Variants in INPP5B observed in about 807,000 individuals in gnomAD.
The protein encoded by INPP5B is type II inositol 1,4,5-trisphosphate 5-phosphatase.
INPP5B carries 90 observed loss-of-function variants against 118.5 expected under a neutral mutation model. That is an observed-to-expected ratio of 0.76 (90% CI 0.64 to 0.90). The LOEUF (loss-of-function observed/expected upper bound fraction) is 0.90, where lower values mean the gene tolerates loss of function less well. Ranked by LOEUF, INPP5B falls within the 40% of genes least tolerant of loss-of-function variation. INPP5B has a pLI of 0.00. For missense variants in INPP5B, 984 were observed against 1,125.6 expected, an observed-to-expected ratio of 0.87 and a Z score of 1.80; for synonymous variants, 385 against 418.9, an observed-to-expected ratio of 0.92 and a Z score of 0.99.
chr1:37,925,848 G>A (rs1645207859), intron 7 of INPP5B, among the ~76,000 whole-genome samples: 1 of 152,112 alleles, frequency 6.6e-6, no homozygotes, highest in Non-Finnish European at 1.5e-5. Context: ...ATGGAGAGGG[G>A]AACAACAAAA....
chr1:37,880,316 A>G, intron 14 of INPP5B, 122 bp from the exon 15 acceptor site: 1 of 676,774 alleles, frequency 1.5e-6, no homozygotes, highest in Non-Finnish European at 2.5e-6. Flanking sequence ...CCCCAAAAGA[A>G]AGTTATTCTG....
chr1:37,921,572 C>T (rs1050162391), intron 7 of INPP5B, among the ~76,000 whole-genome samples: 3 of 152,158 alleles, frequency 2.0e-5, no homozygotes, highest in East Asian at 3.8e-4. Flanking sequence ...CAGGGCCAGG[C>T]GCAGTGCCTC....
chr1:37,875,459 A>C, intron 17 of INPP5B, 147 bp downstream of exon 17: 1 of 574,792 alleles, frequency 1.7e-6, no homozygotes. Context: ...TAGTAGAGAC[A>C]GGGTTTCACC....
chr1:37,872,492 C>T (rs1236420128), intron 19 of INPP5B, among the ~76,000 whole-genome samples: 3 of 151,500 alleles, frequency 2.0e-5, no homozygotes, highest in African/African-American at 7.3e-5. Flanking sequence ...GGAGCCTATG[C>T]TACAAAAGGC....
At position 37,885,675 on chromosome 1, in the gene INPP5B, C is replaced by T; in HGVS notation, c.1282G>A (p.Asp428Asn). 1.2e-6 allele frequency: 2 copies of T among 1,614,042 alleles called. No individual in the cohort carries two copies. Among genetic ancestry groups the T allele is most frequent in the Non-Finnish European group, 1.7e-6 (2 of 1,180,018 alleles). ...ICSRMQFCQP[D>N]PSLPPLTISN... is the part of the protein sequence containing the mutation. ...ATGGTGAGAGGGGGAAGGCTTGGGT[C>T]AGGCTGACAAAACTGCATTCGAGAA... The change falls in exon 13 of 24, where the codon GAC becomes AAC. Residue 428 changes from aspartate to asparagine, a missense_variant. Around this residue, in one of 2 missense-constraint regions of INPP5B, gnomAD observed 634 missense variants for 791.0 expected, o/e 0.80. Transcript: ENST00000373024.
Position 37,943,807 on chromosome 1 carries a change from G to A in INPP5B, c.239C>T (p.Thr80Met), listed in dbSNP as rs749232995. 25 of 1,614,008 alleles carry A rather than the reference G, an allele frequency of 1.5e-5. No individual in the cohort carries two copies. Among genetic ancestry groups the A allele is most frequent in the East Asian group, 6.7e-5 (3 of 44,874 alleles). The change falls in exon 4 of 24, where the codon ACG becomes ATG. Residue 80 changes from threonine (T) to methionine (M), a missense_variant. By Grantham distance (81) the Thr-to-Met change is moderately conservative. Coordinates refer to ENST00000373024, the MANE Select transcript of INPP5B (RefSeq NM_005540.3). The part of the protein sequence containing the change: ...DQIVPVSRDF[T>M]LEEVSPDGEL... Reference sequence around the variant, plus strand: ...GCCCCCTGTGGCACCTTCTTCCAGCGTAAAATCCCGCGAGACTGGCACTAT... The same window carrying A: ...GCCCCCTGTGGCACCTTCTTCCAGCATAAAATCCCGCGAGACTGGCACTAT...
At chr1:37,865,151 C>A (rs1280318179) in intron 22 of INPP5B, among the ~76,000 whole-genome samples, 3 of 151,892 alleles carry the variant, frequency 2.0e-5, no homozygotes, top group Non-Finnish European at 4.4e-5. Context: ...CCAATGCACT[C>A]CAGCCTGGGT....
intron 7 of INPP5B, among the ~76,000 whole-genome samples, chr1:37,913,167 G>C (rs1644757752): frequency 6.6e-6 from 1 of 152,186 alleles, no homozygotes; most frequent in African/African-American, 2.4e-5. Context: ...TGAGGCAGGA[G>C]AATGGTGTGA....
At chr1:37,875,548 G>C (rs539109150) in intron 17 of INPP5B, 58 bp downstream of exon 17, 29 of 1,342,004 alleles carry the variant, frequency 2.2e-5, no homozygotes, top group Non-Finnish European at 3.1e-5. Flanking sequence ...GATTACAGGC[G>C]TGAGCCACTG....
intron 5 of INPP5B, 53 bp from the exon 6 acceptor site, chr1:37,940,851 G>T: frequency 7.9e-7 from 1 of 1,268,062 alleles, no homozygotes; most frequent in Non-Finnish European, 1.2e-6. Flanking sequence ...CTAAGTGCTT[G>T]ATGCAGCCTA....
chr1:37,927,020 G>A (rs1645255402), intron 7 of INPP5B, among the ~76,000 whole-genome samples: 1 of 152,176 alleles, frequency 6.6e-6, no homozygotes, highest in Non-Finnish European at 1.5e-5. Flanking sequence ...CAGGCGCGGT[G>A]GCTCACGCCT....
At chr1:37,868,697 G>A in intron 19 of INPP5B, 83 bp from the exon 20 acceptor site, 1 of 840,252 alleles carries the variant, frequency 1.2e-6, no homozygotes, top group Admixed American at 1.8e-5. Context: ...CAAACCCACA[G>A]AAAAAGGAAA....
rs1644542786 is a variant in INPP5B, at chr1:37,907,611, C to A, written c.533-16157G>T. Among the ~76,000 whole-genome samples, 1 of 152,160 alleles carries A rather than the reference C, an allele frequency of 6.6e-6. No individual in the cohort carries two copies. Among genetic ancestry groups the A allele is most frequent in the Non-Finnish European group, 1.5e-5 (1 of 68,028 alleles). On this transcript the variant is annotated intron_variant, in intron 7 of 23. Coordinates refer to ENST00000373024, the MANE Select transcript of INPP5B (RefSeq NM_005540.3). This position sits in a 1 kb window ranked among gnomAD's most constrained non-coding sequence, Gnocchi z 4.3. Reference sequence around the variant, plus strand: ...ACTGGATGAGATGTGAGGGTCAGCACAAGGCACAGGTCATAAAGACCTTGC... The same window carrying A: ...ACTGGATGAGATGTGAGGGTCAGCAAAAGGCACAGGTCATAAAGACCTTGC...
At chr1:37,885,921 T>C (rs1300003479) in intron 12 of INPP5B, 96 bp from the exon 13 acceptor site, 8 of 1,126,436 alleles carry the variant, frequency 7.1e-6, no homozygotes, top group Non-Finnish European at 1.1e-5. Context: ...GGCTCACGCC[T>C]GTAATCCCAG....
At chr1:37,906,771 G>T (rs1257644399) in intron 7 of INPP5B, among the ~76,000 whole-genome samples, 4 of 151,500 alleles carry the variant, frequency 2.6e-5, no homozygotes, top group Admixed American at 2.0e-4. Flanking sequence ...GAGACAGGAG[G>T]ATTGCCTGAA....
chr1:37,862,189 G>A lies in INPP5B; in HGVS notation c.*126C>T. The A allele has an allele frequency of 1.5e-6, 1 of 664,090 alleles. No homozygotes were observed. The highest frequency in any genetic ancestry group is 2.7e-6 in the Non-Finnish European group (1 of 368,066). 41.1% of individuals were successfully genotyped at this position (664,090 alleles called of 1,614,324 possible). ...ATGGTGGGCTTAATTGGGGTACTAG[G>A]CTCAGGAAATAGCTGCCATTCTTGC... On this transcript the variant is annotated 3_prime_UTR_variant, in exon 24 of 24. Coordinates refer to ENST00000373024, the MANE Select transcript of INPP5B (RefSeq NM_005540.3).
At chr1:37,887,528 G>C in intron 10 of INPP5B, 63 bp from the exon 11 acceptor site, 1 of 994,034 alleles carries the variant, frequency 1.0e-6, no homozygotes, top group South Asian at 1.4e-5. Flanking sequence ...CACATTCTCA[G>C]ATTGGTTTAG....
chr1:37,879,810 G>C (rs758446185), intron 15 of INPP5B, among the ~76,000 whole-genome samples: 5 of 152,106 alleles, frequency 3.3e-5, no homozygotes, highest in Non-Finnish European at 7.4e-5. Context: ...CCAAGTACCA[G>C]CTAAGTTAGT....
chr1:37,932,293 T>G (rs1342461435), intron 6 of INPP5B, among the ~76,000 whole-genome samples: 1 of 152,068 alleles, frequency 6.6e-6, no homozygotes, highest in African/African-American at 2.4e-5. Flanking sequence ...CGTATAAATA[T>G]TATCTTCCTA....
Sources: allele counts gnomAD v4.1 joint callset (sites outside exome capture counted in the v4.1 genomes callset), GRCh38; gene constraint gnomAD v4.1.1; regional missense constraint gnomAD v4.1.1; non-coding constraint Gnocchi (gnomAD v3.1); transcripts MANE v1.5; gene names NCBI Gene and HGNC (gene_info 2026-07-23, HGNC 2026-07-21).